SERGEF: variants seen among roughly 807,000 people sequenced by gnomAD.
SERGEF encodes the protein secretion-regulating guanine nucleotide exchange factor.
In SERGEF, 51 loss-of-function variants were observed where a neutral mutation model predicts 50.0. The ratio of observed to expected loss-of-function variants is 1.02; its 90% CI spans 0.81 to 1.29. SERGEF has a LOEUF of 1.29. Among genes scored for constraint, SERGEF ranks in the 50% most tolerant of loss-of-function variants. SERGEF has a pLI of 0.00. For synonymous variants in SERGEF, 205 were observed against 212.4 expected (o/e 0.97, Z 0.30); for missense variants, 521 against 557.0 (o/e 0.94, Z 0.65).
chr11:17,796,280 GATGGTCCT>G (rs961935384), intron 10 of SERGEF, among the ~76,000 whole-genome samples: 9 of 152,244 alleles, frequency 5.9e-5, no homozygotes, highest in Non-Finnish European at 1.2e-4. Context: ...CTATGAGGAT[GATGGTCCT>G]ATTGGGCCTG....
chr11:17,838,677 C>T (rs1024112587), intron 10 of SERGEF, among the ~76,000 whole-genome samples: 3 of 152,006 alleles, frequency 2.0e-5, no homozygotes, highest in African/African-American at 4.8e-5. Flanking sequence ...TCTGTAAAAC[C>T]GATAATAATA....
At chr11:17,986,813 T>C (rs577265868) in intron 8 of SERGEF, among the ~76,000 whole-genome samples, 2 of 152,364 alleles carry the variant, frequency 1.3e-5, no homozygotes, top group East Asian at 3.9e-4. Context: ...TGCTAATTTC[T>C]ATGCGACTTT....
chr11:17,829,977 A>G (rs1377694833), intron 10 of SERGEF, among the ~76,000 whole-genome samples: 1 of 152,246 alleles, frequency 6.6e-6, no homozygotes, highest in East Asian at 1.9e-4. Context: ...GAAGCCAGTG[A>G]CAAGGACTGT....
chr11:17,876,592 T>C (rs564352840), intron 10 of SERGEF, among the ~76,000 whole-genome samples: 15 of 152,370 alleles, frequency 9.8e-5, no homozygotes, highest in African/African-American at 2.9e-4. Context: ...CACACAGAGA[T>C]GGAGCCAGTT....
chr11:17,977,763 A>C (rs1356149926), intron 8 of SERGEF, among the ~76,000 whole-genome samples: 2 of 152,124 alleles, frequency 1.3e-5, no homozygotes, highest in Non-Finnish European at 2.9e-5. Flanking sequence ...AACCCCAGAG[A>C]GCTCCTTTAC....
chr11:17,845,978 C>A (rs146029872), intron 10 of SERGEF, among the ~76,000 whole-genome samples: 41 of 152,276 alleles, frequency 2.7e-4, no homozygotes, highest in Non-Finnish European at 2.6e-4. Flanking sequence ...AATGAATGAA[C>A]AAATAATCTC....
intron 9 of SERGEF, among the ~76,000 whole-genome samples, chr11:17,879,792 C>T (rs1021524698): frequency 1.3e-5 from 2 of 152,076 alleles, no homozygotes; most frequent in Admixed American, 6.6e-5. Flanking sequence ...TTAGCCATTC[C>T]ACCATGCGTA....
chr11:17,891,176 C>T (rs746909091), intron 9 of SERGEF, among the ~76,000 whole-genome samples: 6 of 152,006 alleles, frequency 3.9e-5, no homozygotes, highest in African/African-American at 9.7e-5. Context: ...CTGGACTCAA[C>T]GAGATGAACA....
chr11:17,827,712 C>T lies in SERGEF; in HGVS notation c.1049-39299G>A, dbSNP rs2878808. ...GATCCTCAGGTCTAACTCAGTATCA[C>T]GAACTTCCAGATAACAAAGGTATTA... is the stretch of plus-strand genomic sequence containing the variant. On this transcript the variant is annotated intron_variant, in intron 10 of 10. Transcript: ENST00000265965. 8.8e-3 allele frequency among the ~76,000 whole-genome samples: 1,344 copies of T among 152,206 alleles called. 14 individuals are homozygous for T. Among genetic ancestry groups the T allele is most frequent in the Middle Eastern group, 0.014 (4 of 294 alleles).
At position 18,006,534 on chromosome 11, in the gene SERGEF, T is replaced by C. The variant is rs529322876; in HGVS notation, c.352+57A>G. The C allele has an allele frequency of 6.3e-5, 95 of 1,517,114 alleles. 1 individual carries two copies. The highest frequency in any genetic ancestry group is 4.4e-4 in the South Asian group (37 of 83,652). 94.0% of individuals were successfully genotyped at this position (1,517,114 alleles called of 1,614,324 possible). On this transcript the variant is annotated intron_variant, in intron 3 of 10. Transcript: ENST00000265965. ...ATTTAATCTGCAGTCACCATCATCA[T>C]ACTGTTCTCACCCAAAGCCTTTGTG...
intron 9 of SERGEF, among the ~76,000 whole-genome samples, chr11:17,909,780 A>T (rs1851914249): frequency 6.6e-6 from 1 of 150,734 alleles, no homozygotes; most frequent in South Asian, 2.1e-4. Flanking sequence ...CTCCAATCTT[A>T]GACATTAAAA....
chr11:17,873,025 T>C (rs950082874), intron 10 of SERGEF, among the ~76,000 whole-genome samples: 2 of 152,164 alleles, frequency 1.3e-5, no homozygotes, highest in Non-Finnish European at 2.9e-5. Flanking sequence ...AGAAGGGTTT[T>C]GGGGAGCTAG....
intron 10 of SERGEF, among the ~76,000 whole-genome samples, chr11:17,821,223 G>C (rs1590134691): frequency 1.3e-5 from 2 of 152,324 alleles, no homozygotes; most frequent in East Asian, 1.9e-4. Flanking sequence ...CCAGAAGTGA[G>C]AGCATAAATA....
chr11:17,968,681 G>A (rs193265643), intron 8 of SERGEF, among the ~76,000 whole-genome samples: 31 of 149,366 alleles, frequency 2.1e-4, no homozygotes, highest in African/African-American at 7.4e-4. Context: ...TCCAGCCTGA[G>A]TGACAGAACA....
At chr11:17,903,619 C>T (rs1851786773) in intron 9 of SERGEF, among the ~76,000 whole-genome samples, 1 of 152,166 alleles carries the variant, frequency 6.6e-6, no homozygotes, top group Non-Finnish European at 1.5e-5. Flanking sequence ...GAGGCTGCAA[C>T]CAGGACAGAC....
At chr11:17,926,980 G>C in intron 9 of SERGEF, 1 of 382,086 alleles carries the variant, frequency 2.6e-6, no homozygotes, top group Non-Finnish European at 5.3e-6. Context: ...ACCAACCATC[G>C]CCTGTCACCA....
intron 10 of SERGEF, among the ~76,000 whole-genome samples, chr11:17,793,903 C>T (rs777698183): frequency 3.9e-5 from 6 of 152,234 alleles, no homozygotes; most frequent in Non-Finnish European, 7.3e-5. Context: ...CTGCAGGCAA[C>T]GGAACCTCAG....
At chr11:17,848,791 GAATT>G (rs1359164726) in intron 10 of SERGEF, among the ~76,000 whole-genome samples, 3 of 152,298 alleles carry the variant, frequency 2.0e-5, no homozygotes, top group African/African-American at 4.8e-5. Context: ...GCTAGGATAT[GAATT>G]AATAAATGAA....
chr11:17,800,575 C>T (rs2133825196), intron 10 of SERGEF, among the ~76,000 whole-genome samples: 1 of 152,304 alleles, frequency 6.6e-6, no homozygotes, highest in East Asian at 1.9e-4. Flanking sequence ...TCCCTGTCCT[C>T]AAGGGGCTTA....
Sources: gnomAD v4.1 joint callset for allele counts (sites outside exome capture counted in the v4.1 genomes callset) on GRCh38, gnomAD v4.1.1 for gene constraint, MANE v1.5 for transcripts, NCBI Gene and HGNC (gene_info 2026-07-23, HGNC 2026-07-21) for gene names.